Variants in ARB2A observed in about 807,000 individuals in gnomAD.
ARB2A encodes ARB2 cotranscriptional regulator A.
At chr5:93,633,981 T>G in the ARB2A span, among the ~76,000 whole-genome samples, 2 of 152,102 alleles carry the variant, frequency 1.3e-5, no homozygotes, top group African/African-American at 4.8e-5. Context: ...CAGGCTGGTC[T>G]TGAACTCCTG....
chr5:93,623,303 C>T, the ARB2A span, among the ~76,000 whole-genome samples: 146 of 151,984 alleles, frequency 9.6e-4, no homozygotes, highest in African/African-American at 3.3e-3. Flanking sequence ...AACCATTTCC[C>T]AAGCTTACAG....
chr5:93,818,299 T>C, the ARB2A span, among the ~76,000 whole-genome samples: 1 of 152,104 alleles, frequency 6.6e-6, no homozygotes, highest in Non-Finnish European at 1.5e-5. Context: ...TTTGGGGTGA[T>C]AAAAATGTTG....
the ARB2A span, among the ~76,000 whole-genome samples, chr5:93,931,146 C>G: frequency 2.0e-5 from 3 of 152,078 alleles, no homozygotes; most frequent in African/African-American, 2.4e-5. Context: ...TCATCCATGT[C>G]CCTGCAAAGG....
chr5:93,620,359 G>C, the ARB2A span: 1 of 149,812 alleles, frequency 6.7e-6, no homozygotes, highest in East Asian at 2.0e-4. Context: ...TTTTTTTTCT[G>C]GTCCCGAAAT....
At chr5:93,678,257 T>A in the ARB2A span, among the ~76,000 whole-genome samples, 2 of 152,192 alleles carry the variant, frequency 1.3e-5, no homozygotes, top group Non-Finnish European at 2.9e-5. Context: ...AACATGACTG[T>A]CTGTATCGTA....
chr5:93,922,403 G>A, the ARB2A span, among the ~76,000 whole-genome samples: 21 of 151,538 alleles, frequency 1.4e-4, no homozygotes, highest in African/African-American at 3.9e-4. Context: ...GTGTGGTGGC[G>A]CATGCCTATA....
chr5:94,072,440 A>G, the ARB2A span, among the ~76,000 whole-genome samples: 1 of 152,114 alleles, frequency 6.6e-6, no homozygotes, highest in African/African-American at 2.4e-5. Context: ...ACAGTACTGT[A>G]CCAATATCTT....
At chr5:93,626,591 T>C in the ARB2A span, among the ~76,000 whole-genome samples, 1 of 152,166 alleles carries the variant, frequency 6.6e-6, no homozygotes, top group East Asian at 1.9e-4. Flanking sequence ...ACAGTGGATA[T>C]AAAAGTTATG....
chr5:93,808,649 G>A, the ARB2A span, among the ~76,000 whole-genome samples: 1 of 151,818 alleles, frequency 6.6e-6, no homozygotes, highest in Non-Finnish European at 1.5e-5. Context: ...ATAACCTTAA[G>A]ACCTAGTTAG....
the ARB2A span, among the ~76,000 whole-genome samples, chr5:94,033,933 G>T: frequency 6.6e-6 from 1 of 152,182 alleles, no homozygotes; most frequent in Non-Finnish European, 1.5e-5. Context: ...TATTTCTCAG[G>T]ACTGGATTAG....
the ARB2A span, among the ~76,000 whole-genome samples, chr5:94,061,072 A>G: frequency 6.6e-6 from 1 of 152,138 alleles, no homozygotes; most frequent in Admixed American, 6.5e-5. Flanking sequence ...CCCTGTCTCT[A>G]CTAAAAATAC....
At chr5:93,836,382 C>T in the ARB2A span, among the ~76,000 whole-genome samples, 1,720 of 152,276 alleles carry the variant, frequency 0.011, 29 homozygotes, top group African/African-American at 0.04. Flanking sequence ...CCAGAAGAAA[C>T]GGAACACAGA....
the ARB2A span, among the ~76,000 whole-genome samples, chr5:93,793,207 C>G: frequency 4.9e-5 from 7 of 142,962 alleles, no homozygotes; most frequent in Non-Finnish European, 1.1e-4. Flanking sequence ...TGAATGGTTA[C>G]AACTACAGGC....
the ARB2A span, among the ~76,000 whole-genome samples, chr5:93,718,989 C>T: frequency 2.4e-4 from 37 of 152,292 alleles, no homozygotes; most frequent in African/African-American, 8.9e-4. Flanking sequence ...CTTTAGGCAA[C>T]ACTGACAGCT....
the ARB2A span, among the ~76,000 whole-genome samples, chr5:94,080,700 G>C: frequency 6.6e-6 from 1 of 152,152 alleles, no homozygotes; most frequent in African/African-American, 2.4e-5. Context: ...ATTTCAGCCT[G>C]ATGCAGGACA....
At chr5:93,761,703 G>T in the ARB2A span, among the ~76,000 whole-genome samples, 1 of 152,212 alleles carries the variant, frequency 6.6e-6, no homozygotes. Flanking sequence ...GTTTCGAAGA[G>T]AGTAGTGGTT....
chr5:93,992,336 T>C, the ARB2A span, among the ~76,000 whole-genome samples: 2 of 152,004 alleles, frequency 1.3e-5, no homozygotes, highest in African/African-American at 4.8e-5. Context: ...AAATACAATG[T>C]TATAAGGCTC....
chr5:94,087,535 G>C, the ARB2A span, among the ~76,000 whole-genome samples: 1 of 152,156 alleles, frequency 6.6e-6, no homozygotes, highest in Non-Finnish European at 1.5e-5. Flanking sequence ...GTTACAGTAA[G>C]CTAGTTTATT....
the ARB2A span, among the ~76,000 whole-genome samples, chr5:93,712,180 C>T: frequency 1.6e-4 from 24 of 152,232 alleles, no homozygotes; most frequent in Non-Finnish European, 2.9e-4. Context: ...AAACTCTGAC[C>T]ATTAGGCTAT....
Sources: gnomAD v4.1 joint callset for allele counts (sites outside exome capture counted in the v4.1 genomes callset) on GRCh38, gnomAD v4.1.1 for gene constraint, MANE v1.5 for transcripts, NCBI Gene and HGNC (gene_info 2026-07-23, HGNC 2026-07-21) for gene names.